Variants in EXT1 observed in about 807,000 individuals in gnomAD.
EXT1 encodes exostosin-1.
A neutral mutation model predicts 82.5 loss-of-function variants in EXT1; 20 were observed. The ratio of observed to expected loss-of-function variants is 0.24; its 90% CI spans 0.17 to 0.35. EXT1 has a LOEUF of 0.35. Ranked by LOEUF, EXT1 falls within the 10% of genes least tolerant of loss-of-function variation. The probability of loss-of-function intolerance (pLI) is 1.00; values close to 1 mark genes in which losing one functional copy is unlikely to be tolerated. For synonymous variants in EXT1, 348 were observed against 350.8 expected, an observed-to-expected ratio of 0.99 and a Z score of 0.09; for missense variants, 757 against 936.5, an observed-to-expected ratio of 0.81 and a Z score of 2.50.
intron 1 of EXT1, among the ~76,000 whole-genome samples, chr8:117,890,949 C>T (rs1217271973): frequency 1.3e-5 from 2 of 152,186 alleles, no homozygotes; most frequent in East Asian, 1.9e-4. Flanking sequence ...GCTCTCCTTC[C>T]TCCTTCCTCC....
At chr8:117,869,344 G>T (rs1410479604) in intron 1 of EXT1, among the ~76,000 whole-genome samples, 1 of 152,218 alleles carries the variant, frequency 6.6e-6, no homozygotes, top group Non-Finnish European at 1.5e-5. Flanking sequence ...AGGATTGGAA[G>T]GACAAACTGT....
chr8:117,926,861 C>G (rs1475444982), intron 1 of EXT1, among the ~76,000 whole-genome samples: 1 of 152,122 alleles, frequency 6.6e-6, no homozygotes, highest in Admixed American at 6.6e-5. Flanking sequence ...AACTGCACTG[C>G]CAGTGTCTCT....
chr8:117,807,006 G>A (rs1349365049), intron 9 of EXT1, among the ~76,000 whole-genome samples: 1 of 152,102 alleles, frequency 6.6e-6, no homozygotes. Flanking sequence ...AACTGAAAAT[G>A]TTACTCTACC....
intron 1 of EXT1, among the ~76,000 whole-genome samples, chr8:117,950,682 T>A (rs1249859407): frequency 6.6e-6 from 1 of 152,178 alleles, no homozygotes; most frequent in Non-Finnish European, 1.5e-5. Flanking sequence ...GGAGAAGAAA[T>A]GAGTTTAAAA....
chr8:117,921,276 G>T (rs535426248), intron 1 of EXT1, among the ~76,000 whole-genome samples: 31 of 152,170 alleles, frequency 2.0e-4, no homozygotes, highest in African/African-American at 7.2e-4. Context: ...TTTTATCTGG[G>T]GATCCTCAAG....
chr8:117,932,614 T>A (rs1267219828), intron 1 of EXT1, among the ~76,000 whole-genome samples: 1 of 152,158 alleles, frequency 6.6e-6, no homozygotes, highest in African/African-American at 2.4e-5. Flanking sequence ...CCTCCACCCC[T>A]CTTTTTTCTA....
intron 1 of EXT1, among the ~76,000 whole-genome samples, chr8:117,868,839 C>T (rs942407605): frequency 3.3e-5 from 5 of 152,078 alleles, no homozygotes; most frequent in Admixed American, 6.5e-5. Context: ...AAATATGTCA[C>T]GGAACAAATG....
In EXT1 at chr8:117,799,826, G is replaced by A. The variant is rs1045438952; in HGVS notation, c.2127C>T (p.Ala709=). The change falls in exon 11 of 11, where the codon GCC becomes GCT. Residue 709 remains alanine, a synonymous_variant. Transcript: ENST00000378204. ...AQRQSCMNTF[A]SWFGYMPLIH... is the part of the protein sequence containing the mutation. ...TCAGCGGCATGTAGCCAAACCAGCTGGCAAACGTATTCATGCAGCTCTGTC... is the reference window on the plus strand; with the variant it reads ...TCAGCGGCATGTAGCCAAACCAGCTAGCAAACGTATTCATGCAGCTCTGTC... 3 of 1,614,184 alleles carry A rather than the reference G, an allele frequency of 1.9e-6. No individual in the cohort carries two copies. Among genetic ancestry groups the A allele is most frequent in the Admixed American group, 3.3e-5 (2 of 60,016 alleles).
At chr8:117,902,029 C>G (rs1228656792) in intron 1 of EXT1, among the ~76,000 whole-genome samples, 2 of 148,118 alleles carry the variant, frequency 1.4e-5, no homozygotes, top group East Asian at 3.9e-4. Context: ...TTTTTTTTTA[C>G]TTGTTCAACT....
Position 118,111,013 on chromosome 8 carries a change from A to T in EXT1, c.34T>A (p.Ser12Thr), listed in dbSNP as rs2130046021. The change falls in exon 1 of 11, where the codon TCA becomes ACA. Residue 12 changes from serine (S) to threonine (T), a missense_variant. Ser to Thr is a moderately conservative substitution (Grantham distance 58). Transcript: ENST00000378204. Reference sequence around the variant, plus strand: ...AAAAGGGCGAGACAAGAGCCAGCTGAGAGCAGGATGAAATAGCGTTTTTTG... The same window carrying T: ...AAAAGGGCGAGACAAGAGCCAGCTGTGAGCAGGATGAAATAGCGTTTTTTG... The part of the protein sequence containing the change: ...QAKKRYFILL[S>T]AGSCLALLFY... 6.2e-7 allele frequency: 1 copy of T among 1,603,470 alleles called. No individual in the cohort carries two copies.
chr8:117,997,245 C>CTATATATATATATATATATATATATA (rs67974546), intron 1 of EXT1, among the ~76,000 whole-genome samples: 1 of 136,254 alleles, frequency 7.3e-6, no homozygotes, highest in Admixed American at 7.9e-5. Flanking sequence ...AGTTGTCATA[C>CTATATATATATATATATATATATATA]TATATATATA....
intron 7 of EXT1, among the ~76,000 whole-genome samples, chr8:117,817,831 A>G (rs1410257422): frequency 6.6e-6 from 1 of 152,240 alleles, no homozygotes; most frequent in Non-Finnish European, 1.5e-5. Context: ...AAGCACTAGC[A>G]AATGGAGAAA....
rs1823086623 is a variant in EXT1 at position 117,796,273 on chromosome 8, G to A, written c.*3439C>T. The A allele has an allele frequency of 6.6e-6, 1 of 151,778 alleles. No homozygotes were observed. The highest frequency in any genetic ancestry group is 1.5e-5 in the Non-Finnish European group (1 of 68,000). 9.4% of individuals were successfully genotyped at this position (151,778 alleles called of 1,614,324 possible). ...TCCATAATTCAGCCTTGTCCAGCAAGAATCTCATTCAGATTCCAACCTAGT... is the reference window on the plus strand; with the variant it reads ...TCCATAATTCAGCCTTGTCCAGCAAAAATCTCATTCAGATTCCAACCTAGT... On this transcript the variant is annotated 3_prime_UTR_variant, in exon 11 of 11. Coordinates refer to ENST00000378204, the MANE Select transcript of EXT1 (RefSeq NM_000127.3).
At chr8:117,973,530 A>T (rs1814986264) in intron 1 of EXT1, among the ~76,000 whole-genome samples, 1 of 152,122 alleles carries the variant, frequency 6.6e-6, no homozygotes, top group African/African-American at 2.4e-5. Flanking sequence ...TCACTTTGGG[A>T]GGCTGAAGTG....
At chr8:118,099,445 G>A (rs920873342) in intron 1 of EXT1, among the ~76,000 whole-genome samples, 4 of 152,172 alleles carry the variant, frequency 2.6e-5, no homozygotes, top group Admixed American at 2.0e-4. Flanking sequence ...ATTGTCTAAC[G>A]TAAGATTAAA....
chr8:117,826,008 C>A (rs1305043546), intron 4 of EXT1, among the ~76,000 whole-genome samples: 1 of 152,126 alleles, frequency 6.6e-6, no homozygotes, highest in African/African-American at 2.4e-5. Context: ...AATATTCTGA[C>A]AAATAATGGA....
At chr8:118,079,457 C>A (rs970031189) in intron 1 of EXT1, among the ~76,000 whole-genome samples, 2 of 152,150 alleles carry the variant, frequency 1.3e-5, no homozygotes, top group Admixed American at 6.5e-5. Context: ...AGGCCTAAAA[C>A]CTGAACAGGA....
At chr8:117,977,037 C>T (rs766687530) in intron 1 of EXT1, among the ~76,000 whole-genome samples, 1 of 152,090 alleles carries the variant, frequency 6.6e-6, no homozygotes, top group African/African-American at 2.4e-5. Context: ...TCAGTTACTA[C>T]ATAATATGTT....
At chr8:117,819,915 T>C in intron 5 of EXT1, 121 bp from the exon 6 acceptor site, 1 of 930,166 alleles carries the variant, frequency 1.1e-6, no homozygotes, top group African/African-American at 1.6e-5. Flanking sequence ...GATTTCTCCT[T>C]TGCTTCTTAT....
Sources: allele counts gnomAD v4.1 joint callset (sites outside exome capture counted in the v4.1 genomes callset), GRCh38; gene constraint gnomAD v4.1.1; transcripts MANE v1.5; gene names NCBI Gene and HGNC (gene_info 2026-07-23, HGNC 2026-07-21).